PRDM10: variants seen among roughly 807,000 people sequenced by gnomAD.
PRDM10 encodes the protein PR/SET domain 10.
Under a neutral mutation model 133.1 loss-of-function variants are expected in PRDM10, and 65 were observed. The ratio of observed to expected loss-of-function variants is 0.49; its 90% CI spans 0.40 to 0.60. PRDM10 has a LOEUF of 0.60. PRDM10 is among the 20% of genes least tolerant of loss of function. The probability of loss-of-function intolerance (pLI) is 0.00; values close to 1 mark genes in which losing one functional copy is unlikely to be tolerated. For missense variants in PRDM10, 1,137 were observed against 1,507.1 expected (o/e 0.75, Z 4.07); for synonymous variants, 582 against 580.4 (o/e 1.00, Z -0.04).
intron 20 of PRDM10, among the ~76,000 whole-genome samples, chr11:129,903,540 G>A (rs986313879): frequency 9.9e-5 from 15 of 152,086 alleles, no homozygotes; most frequent in Admixed American, 3.3e-4. Flanking sequence ...ACGTCTTCGT[G>A]ACGTTCAGCC....
In PRDM10 at chr11:129,947,013, C is replaced by T. The variant is rs1479797354; in HGVS notation, c.520+132G>A. 1 of 1,258,218 alleles carries T rather than the reference C, an allele frequency of 7.9e-7. No individual in the cohort carries two copies. The highest frequency in any genetic ancestry group is 1.1e-6 in the Non-Finnish European group (1 of 908,694). 77.9% of individuals were successfully genotyped at this position (1,258,218 alleles called of 1,614,324 possible). ...TGAAGGCCAGGTGGGATGAAGCAAG[C>T]AGAGAATGTAGCACAGTTGGCTGCA... is the stretch of plus-strand genomic sequence containing the variant. On this transcript the variant is annotated intron_variant, in intron 5 of 20. Transcript: ENST00000360871. This position sits in a 1 kb window ranked among gnomAD's most constrained non-coding sequence, Gnocchi z 4.6.
intron 13 of PRDM10, among the ~76,000 whole-genome samples, chr11:129,920,573 G>C (rs540490266): frequency 1.3e-5 from 2 of 151,770 alleles, no homozygotes; most frequent in African/African-American, 2.4e-5. Context: ...AGCTTAACCC[G>C]CTTCCCTGGC....
Position 129,932,098 on chromosome 11 carries a change from G to A in PRDM10, c.1287+4C>T, listed in dbSNP as rs1950888048. 1.9e-6 allele frequency: 3 copies of A among 1,613,442 alleles called. No individual in the cohort carries two copies. In the South Asian group the frequency reaches 3.3e-5, roughly 18 times the overall value. On this transcript the variant is annotated splice_donor_region_variant and intron_variant, in intron 10 of 20. Coordinates refer to ENST00000360871, the MANE Select transcript of PRDM10 (RefSeq NM_199437.2). ...AAGGAGGGCTCCTTCCCGTCCCCCCGTACCTGTGTCCCATCGTCACTCTTT... is the reference window on the plus strand; with the variant it reads ...AAGGAGGGCTCCTTCCCGTCCCCCCATACCTGTGTCCCATCGTCACTCTTT...
rs1171868816 is a variant in PRDM10, at chr11:129,947,394, A to G, written c.295-24T>C. On this transcript the variant is annotated intron_variant, in intron 4 of 20. Coordinates refer to ENST00000360871, the MANE Select transcript of PRDM10 (RefSeq NM_199437.2). The surrounding 1 kb of genome is among the most constrained non-coding windows in gnomAD (Gnocchi z 4.6). ...GCCTGGGCAAAAGTTGAAGGCACAG[A>G]GTAAGCAGACATGGACACCTGCTTT... The G allele has an allele frequency of 6.2e-7, 1 of 1,613,838 alleles. No homozygotes were observed. The highest frequency in any genetic ancestry group is 8.5e-7 in the Non-Finnish European group (1 of 1,179,732).
At position 129,923,685 on chromosome 11, in the gene PRDM10, AGAGAGAGAGT is replaced by A. The variant is rs60396356; in HGVS notation, c.1879-292_1879-283del. ...GAGAGAGAGAGAGAGAGAGAGAGAG[AGAGAGAGAGT>A]GCTTGCTTGGTCAAAGCCCTGATCA... On this transcript the variant is annotated intron_variant, in intron 12 of 20. Coordinates refer to ENST00000360871, the MANE Select transcript of PRDM10 (RefSeq NM_199437.2). This position sits in a 1 kb window ranked among gnomAD's most constrained non-coding sequence, Gnocchi z 4.4. Among the ~76,000 whole-genome samples, 990 of 147,324 alleles carry A rather than the reference AGAGAGAGAGT, an allele frequency of 6.7e-3. 26 individuals carry two copies. Among genetic ancestry groups the A allele is most frequent in the African/African-American group, 0.021 (838 of 40,034 alleles).
chr11:129,947,598 C>G lies in PRDM10; in HGVS notation c.295-228G>C. 7.2e-7 allele frequency: 1 copy of G among 1,392,326 alleles called. No homozygotes were observed. Among genetic ancestry groups the G allele is most frequent in the Non-Finnish European group, 9.4e-7 (1 of 1,064,026 alleles). 86.2% of individuals were successfully genotyped at this position (1,392,326 alleles called of 1,614,324 possible). A position where few individuals can be genotyped will look rare whatever the true frequency, so the allele number is the denominator to read the frequency against. On this transcript the variant is annotated intron_variant, in intron 4 of 20. Coordinates refer to ENST00000360871, the MANE Select transcript of PRDM10 (RefSeq NM_199437.2). The surrounding 1 kb of genome is among the most constrained non-coding windows in gnomAD (Gnocchi z 4.6). ...TTAAGCCTCTGCCCTCCCTCTGCCC[C>G]TTCTGTCCCACACCTGGGAGGGCTG...
intron 1 of PRDM10, among the ~76,000 whole-genome samples, chr11:129,977,534 G>T (rs1010776106): frequency 6.6e-6 from 1 of 152,040 alleles, no homozygotes; most frequent in East Asian, 1.9e-4. Flanking sequence ...TGCCCGCCTC[G>T]GCCTCCCAAA....
Position 129,918,223 on chromosome 11 carries a change from A to G in PRDM10, c.2214+316T>C, listed in dbSNP as rs1344860129. 1.3e-5 allele frequency among the ~76,000 whole-genome samples: 2 copies of G among 152,090 alleles called. No individual in the cohort carries two copies. Among genetic ancestry groups the G allele is most frequent in the African/African-American group, 2.4e-5 (1 of 41,420 alleles). On this transcript the variant is annotated intron_variant, in intron 14 of 20. Transcript: ENST00000360871. The surrounding 1 kb of genome is among the most constrained non-coding windows in gnomAD (Gnocchi z 5.3). ...ATTCAGGGACACAAAAGAGGGAACT[A>G]AAATAAGGTGAGAGCAGAGATTGAG...
At chr11:129,970,701 T>C (rs1434481138) in intron 1 of PRDM10, among the ~76,000 whole-genome samples, 3 of 152,024 alleles carry the variant, frequency 2.0e-5, no homozygotes, top group Non-Finnish European at 4.4e-5. Flanking sequence ...TCCACCACCA[T>C]GCCTGGGTAA....
chr11:129,987,159 T>C (rs753609512), intron 1 of PRDM10, among the ~76,000 whole-genome samples: 34 of 152,202 alleles, frequency 2.2e-4, no homozygotes, highest in Non-Finnish European at 4.0e-4. Flanking sequence ...ATATTGTAGC[T>C]TCAGAATAAT....
intron 2 of PRDM10, 33 bp from the exon 3 acceptor site, chr11:129,957,943 G>GT (rs1951727965): frequency 6.3e-7 from 1 of 1,580,026 alleles, no homozygotes; most frequent in Non-Finnish European, 8.6e-7. Context: ...AACAAAATCA[G>GT]TATCAGGAAG....
chr11:129,981,245 C>A (rs192622443), intron 1 of PRDM10, among the ~76,000 whole-genome samples: 32 of 152,070 alleles, frequency 2.1e-4, no homozygotes, highest in African/African-American at 7.7e-4. Flanking sequence ...CCTATAAGTA[C>A]GCTAAAAAAA....
Position 129,957,787 on chromosome 11 carries a change from C to G in PRDM10, c.193G>C (p.Glu65Gln). Residue 65 changes from glutamate to glutamine, a missense_variant, in exon 3 of 21, where the codon GAG (glutamate) becomes CAG (glutamine). By Grantham distance (29) the Glu-to-Gln change is conservative. Around this residue, in one of 6 missense-constraint regions of PRDM10, gnomAD observed 635 missense variants for 835.2 expected, o/e 0.76. Transcript: ENST00000360871. ...GASYTSVDGP[E>Q]HTLVYIHPVE... Reference sequence around the variant, plus strand: ...GGGTGGATGTACACCAGCGTGTGCTCTGGACCATCCACTGATGTGTAGGAG... The same window carrying G: ...GGGTGGATGTACACCAGCGTGTGCTGTGGACCATCCACTGATGTGTAGGAG... 2 of 1,614,182 alleles carry G rather than the reference C, an allele frequency of 1.2e-6. No homozygotes were observed.
intron 1 of PRDM10, among the ~76,000 whole-genome samples, 189 bp from the exon 2 acceptor site, chr11:129,961,271 C>T (rs937762257): frequency 1.3e-5 from 2 of 151,900 alleles, no homozygotes; most frequent in Non-Finnish European, 2.9e-5. Flanking sequence ...CACCTGTAAT[C>T]GCAGCTCTTT....
At chr11:129,966,768 T>A (rs1475725478) in intron 1 of PRDM10, among the ~76,000 whole-genome samples, 1 of 151,994 alleles carries the variant, frequency 6.6e-6, no homozygotes, top group Non-Finnish European at 1.5e-5. Flanking sequence ...AACAGCAGGA[T>A]TAAAATTTGC....
At chr11:129,985,592 G>A (rs1178960457) in intron 1 of PRDM10, among the ~76,000 whole-genome samples, 1 of 151,524 alleles carries the variant, frequency 6.6e-6, no homozygotes, top group Non-Finnish European at 1.5e-5. Context: ...AGGCGTTTGA[G>A]ACCAGCCTGG....
At chr11:129,972,134 C>A (rs1365001317) in intron 1 of PRDM10, among the ~76,000 whole-genome samples, 1 of 152,252 alleles carries the variant, frequency 6.6e-6, no homozygotes, top group African/African-American at 2.4e-5. Context: ...CCGCCAAGCC[C>A]ACGCCCACCC....
intron 1 of PRDM10, among the ~76,000 whole-genome samples, chr11:129,965,441 C>A (rs12802622): frequency 0.074 from 11,284 of 152,148 alleles, 785 homozygotes; most frequent in East Asian, 0.39. Context: ...TTACTGCTGT[C>A]CAGCTGGCAG....
intron 17 of PRDM10, 126 bp from the exon 18 acceptor site, chr11:129,912,351 A>C: frequency 9.2e-7 from 1 of 1,089,766 alleles, no homozygotes; most frequent in Non-Finnish European, 1.2e-6. Flanking sequence ...ATGCCTATAA[A>C]CCCAGCAGTT....
Sources: allele counts gnomAD v4.1 joint callset (sites outside exome capture counted in the v4.1 genomes callset), GRCh38; gene constraint gnomAD v4.1.1; regional missense constraint gnomAD v4.1.1; non-coding constraint Gnocchi (gnomAD v3.1); transcripts MANE v1.5; gene names NCBI Gene and HGNC (gene_info 2026-07-23, HGNC 2026-07-21).